Variants in ERBB4 observed in about 807,000 individuals in gnomAD.
ERBB4 encodes the protein receptor tyrosine-protein kinase erbB-4.
Under a neutral mutation model 158.0 loss-of-function variants are expected in ERBB4, and 42 were observed. The observed-to-expected ratio is 0.27, with a 90% CI of 0.21 to 0.34. The LOEUF (loss-of-function observed/expected upper bound fraction) is 0.34, where lower values mean the gene tolerates loss of function less well. ERBB4 is among the 10% of genes least tolerant of loss of function. The pLI, the probability that ERBB4 is intolerant of heterozygous loss-of-function variation, is 1.00. For missense variants in ERBB4, 1,333 were observed against 1,624.1 expected (o/e 0.82, Z 3.08); for synonymous variants, 583 against 558.7 (o/e 1.04, Z -0.61).
At chr2:212,306,479 TG>T (rs919940314) in intron 1 of ERBB4, among the ~76,000 whole-genome samples, 61 of 151,562 alleles carry the variant, frequency 4.0e-4, no homozygotes, top group African/African-American at 1.4e-3. Context: ...TTTAATTATA[TG>T]GCACTGGGAA....
At chr2:211,496,722 G>A (rs978703710) in intron 20 of ERBB4, among the ~76,000 whole-genome samples, 3 of 152,000 alleles carry the variant, frequency 2.0e-5, no homozygotes. Flanking sequence ...TTAAGATGGT[G>A]GCCATGATTA....
intron 1 of ERBB4, among the ~76,000 whole-genome samples, chr2:212,437,586 A>G (rs988389923): frequency 6.6e-6 from 1 of 151,638 alleles, no homozygotes. Flanking sequence ...TCCCCTTCCC[A>G]CTAAAAGCTC....
chr2:211,391,956 T>C (rs1324041448), intron 25 of ERBB4, among the ~76,000 whole-genome samples: 4 of 152,198 alleles, frequency 2.6e-5, no homozygotes, highest in Admixed American at 1.3e-4. Flanking sequence ...CTTTAAATAA[T>C]TATTACTTTC....
At position 212,363,720 on chromosome 2, in the gene ERBB4, G is replaced by A. The variant is rs541809034; in HGVS notation, c.82+174729C>T. 5.3e-5 allele frequency among the ~76,000 whole-genome samples: 8 copies of A among 151,424 alleles called. No homozygotes were observed. In the East Asian group the frequency reaches 1.2e-3, roughly 22 times the overall value. The stretch of plus-strand genomic sequence containing the variant: ...TTGTTAGATAATTCATTTTAAATAT[G>A]GATTTACACTGGAAAATTAATTGGA... On this transcript the variant is annotated intron_variant, in intron 1 of 27. Transcript: ENST00000342788.
chr2:212,378,157 C>T (rs2090387142), intron 1 of ERBB4, among the ~76,000 whole-genome samples: 1 of 151,746 alleles, frequency 6.6e-6, no homozygotes, highest in Admixed American at 6.6e-5. Context: ...AATTGTTTGG[C>T]TCCATTATAA....
chr2:212,274,952 G>A (rs1410249414), intron 1 of ERBB4, among the ~76,000 whole-genome samples: 1 of 151,758 alleles, frequency 6.6e-6, no homozygotes, highest in Non-Finnish European at 1.5e-5. Context: ...GCCCCACTGT[G>A]TGATGTTCCC....
intron 3 of ERBB4, among the ~76,000 whole-genome samples, chr2:211,867,024 CAAAAAAAAAA>C (rs386392490): frequency 3.3e-5 from 2 of 60,624 alleles, no homozygotes; most frequent in South Asian, 8.2e-4. Context: ...TCCTTAAAAC[CAAAAAAAAAA>C]AAAAAAAAAA....
chr2:211,942,484 G>T (rs2125124545), intron 3 of ERBB4, among the ~76,000 whole-genome samples: 1 of 152,088 alleles, frequency 6.6e-6, no homozygotes, highest in East Asian at 1.9e-4. Context: ...AGCTTCCTGA[G>T]CAGCTGGGAC....
At chr2:212,254,592 A>G (rs1207335163) in intron 1 of ERBB4, among the ~76,000 whole-genome samples, 1 of 152,150 alleles carries the variant, frequency 6.6e-6, no homozygotes, top group African/African-American at 2.4e-5. Context: ...TTGTCTCAGA[A>G]GAGCTCCTGA....
chr2:212,079,065 A>G (rs1027009624), intron 2 of ERBB4, among the ~76,000 whole-genome samples: 1 of 150,950 alleles, frequency 6.6e-6, no homozygotes, highest in Non-Finnish European at 1.5e-5. Context: ...TCACTTACCT[A>G]TTATTGATAA....
intron 20 of ERBB4, among the ~76,000 whole-genome samples, chr2:211,523,456 C>T (rs1462478051): frequency 2.0e-5 from 3 of 151,352 alleles, no homozygotes; most frequent in East Asian, 2.0e-4. Flanking sequence ...TGGACCCTTG[C>T]GGTGAGTGTT....
chr2:212,195,261 T>A (rs898835105), intron 1 of ERBB4, among the ~76,000 whole-genome samples: 2 of 151,988 alleles, frequency 1.3e-5, no homozygotes, highest in African/African-American at 2.4e-5. Flanking sequence ...TTTTAAAAAA[T>A]TCTGAATAGC....
At chr2:211,530,500 T>A (rs10202787) in intron 20 of ERBB4, among the ~76,000 whole-genome samples, 56,220 of 151,788 alleles carry the variant, frequency 0.37, 10,826 homozygotes, top group East Asian at 0.62. Flanking sequence ...AGAAACAATC[T>A]TAAAATTTAT....
intron 20 of ERBB4, among the ~76,000 whole-genome samples, chr2:211,444,048 T>G (rs942015475): frequency 6.6e-6 from 1 of 152,082 alleles, no homozygotes; most frequent in Non-Finnish European, 1.5e-5. Flanking sequence ...CTCCTGATAA[T>G]GCTGTCTTTC....
intron 2 of ERBB4, among the ~76,000 whole-genome samples, chr2:211,992,832 A>G (rs1227146959): frequency 6.6e-6 from 1 of 152,188 alleles, no homozygotes; most frequent in African/African-American, 2.4e-5. Flanking sequence ...GGCTCCAAAG[A>G]CAAAGTCTTA....
intron 11 of ERBB4, among the ~76,000 whole-genome samples, chr2:211,703,199 C>G (rs756479351): frequency 2.6e-5 from 4 of 152,074 alleles, no homozygotes; most frequent in Non-Finnish European, 4.4e-5. Context: ...TTGTCCCCAT[C>G]ATAACTATCT....
intron 1 of ERBB4, among the ~76,000 whole-genome samples, chr2:212,167,198 C>G (rs377395437): frequency 8.0e-4 from 121 of 151,932 alleles, no homozygotes; most frequent in African/African-American, 2.7e-3. Flanking sequence ...ACCCATCTGA[C>G]AAAGGTCTAA....
At chr2:211,855,866 G>A (rs568165839) in intron 3 of ERBB4, among the ~76,000 whole-genome samples, 53 of 152,308 alleles carry the variant, frequency 3.5e-4, no homozygotes, top group African/African-American at 1.2e-3. Context: ...TAAAAAGGAA[G>A]AAGTGAAACT....
intron 1 of ERBB4, among the ~76,000 whole-genome samples, chr2:212,355,744 TGATA>T (rs1013241951): frequency 1.3e-5 from 2 of 152,002 alleles, no homozygotes; most frequent in Admixed American, 6.6e-5. Flanking sequence ...ATATTAACTG[TGATA>T]GATATATATG....
Sources: gnomAD v4.1 joint callset for allele counts (sites outside exome capture counted in the v4.1 genomes callset) on GRCh38, gnomAD v4.1.1 for gene constraint, MANE v1.5 for transcripts, NCBI Gene and HGNC (gene_info 2026-07-23, HGNC 2026-07-21) for gene names.